Variants in LRRC4C observed in about 807,000 individuals in gnomAD.
The protein encoded by LRRC4C is leucine-rich repeat-containing protein 4C.
In LRRC4C, 5 loss-of-function variants were observed where a neutral mutation model predicts 33.6. The ratio of observed to expected loss-of-function variants is 0.15; its 90% CI spans 0.08 to 0.31. LRRC4C has a LOEUF of 0.31. LRRC4C is among the 10% of genes least tolerant of loss of function. The pLI is 1.00. For missense variants in LRRC4C, 560 were observed against 796.7 expected, an observed-to-expected ratio of 0.70 and a Z score of 3.58; for synonymous variants, 329 against 302.0, an observed-to-expected ratio of 1.09 and a Z score of -0.93.
intron 1 of LRRC4C, among the ~76,000 whole-genome samples, chr11:41,404,499 T>TAC (rs1416800534): frequency 1.5e-4 from 20 of 137,864 alleles, no homozygotes; most frequent in African/African-American, 5.6e-4. Flanking sequence ...TGTGTGTGTA[T>TAC]ACACACAGAC....
chr11:40,220,840 A>T (rs888318772), intron 5 of LRRC4C, among the ~76,000 whole-genome samples: 7 of 150,484 alleles, frequency 4.7e-5, no homozygotes, highest in African/African-American at 1.7e-4. Flanking sequence ...GCATTTTAAA[A>T]TTTTTTTTCA....
intron 1 of LRRC4C, among the ~76,000 whole-genome samples, chr11:41,432,303 A>G (rs1225316172): frequency 6.6e-6 from 1 of 152,160 alleles, no homozygotes; most frequent in Non-Finnish European, 1.5e-5. Flanking sequence ...TTGTACATTA[A>G]AATACAGGTT....
At chr11:41,043,000 G>T (rs66494913) in intron 1 of LRRC4C, among the ~76,000 whole-genome samples, 16,581 of 57,794 alleles carry the variant, frequency 0.29, 1,383 homozygotes, top group South Asian at 0.42. Context: ...CACCTGTTTT[G>T]TTTTTTTTTT....
intron 1 of LRRC4C, among the ~76,000 whole-genome samples, chr11:41,117,304 C>T (rs1942183865): frequency 1.3e-5 from 2 of 152,132 alleles, no homozygotes; most frequent in African/African-American, 4.8e-5. Context: ...TTGCCAAATC[C>T]ACTTTTAGAG....
At chr11:40,860,648 T>A (rs1409921733) in intron 2 of LRRC4C, among the ~76,000 whole-genome samples, 1 of 152,058 alleles carries the variant, frequency 6.6e-6, no homozygotes, top group Non-Finnish European at 1.5e-5. Flanking sequence ...ATTAGAACAC[T>A]AGTCATATTG....
chr11:40,500,293 TACACACACAC>T (rs375005241), intron 3 of LRRC4C, among the ~76,000 whole-genome samples: 1,646 of 96,776 alleles, frequency 0.017, 40 homozygotes, highest in African/African-American at 0.061. Flanking sequence ...TATATATATA[TACACACACAC>T]ACACACACAC....
intron 2 of LRRC4C, among the ~76,000 whole-genome samples, chr11:40,752,492 T>C (rs761353804): frequency 1.3e-4 from 19 of 151,850 alleles, no homozygotes; most frequent in Non-Finnish European, 2.4e-4. Context: ...AACAGGTATA[T>C]TAAAAAAACT....
chr11:40,308,220 G>A (rs1475441945), intron 4 of LRRC4C, among the ~76,000 whole-genome samples: 1 of 152,000 alleles, frequency 6.6e-6, no homozygotes, highest in East Asian at 1.9e-4. Context: ...ACAGTTGTTT[G>A]CTATGGCAGG....
At chr11:40,183,894 A>G (rs531241720) in intron 5 of LRRC4C, among the ~76,000 whole-genome samples, 138 of 152,340 alleles carry the variant, frequency 9.1e-4, no homozygotes, top group African/African-American at 3.1e-3. Flanking sequence ...TAGCAGTACA[A>G]GTCAAGGTCC....
intron 1 of LRRC4C, among the ~76,000 whole-genome samples, chr11:41,416,230 C>T (rs1954674886): frequency 6.6e-6 from 1 of 152,020 alleles, no homozygotes; most frequent in Non-Finnish European, 1.5e-5. Flanking sequence ...ATTCCATCCA[C>T]CCCTACTCAC....
chr11:41,160,754 G>T (rs1167012280), intron 1 of LRRC4C, among the ~76,000 whole-genome samples: 2 of 152,128 alleles, frequency 1.3e-5, no homozygotes, highest in African/African-American at 4.8e-5. Context: ...ACACTCAAAT[G>T]ACTATTGTAC....
At chr11:40,212,664 A>G (rs922057189) in intron 5 of LRRC4C, among the ~76,000 whole-genome samples, 14 of 152,170 alleles carry the variant, frequency 9.2e-5, no homozygotes, top group Non-Finnish European at 1.2e-4. Context: ...CTTTACCTAT[A>G]TTAAATTATG....
chr11:40,527,844 G>C (rs973364007), intron 3 of LRRC4C, among the ~76,000 whole-genome samples: 13 of 152,040 alleles, frequency 8.6e-5, no homozygotes, highest in African/African-American at 3.1e-4. Context: ...CACCTCCCGG[G>C]TTCAAGCAAT....
chr11:40,822,552 T>G (rs1951980166), intron 2 of LRRC4C, among the ~76,000 whole-genome samples: 1 of 151,560 alleles, frequency 6.6e-6, no homozygotes, highest in Non-Finnish European at 1.5e-5. Flanking sequence ...GTTGTTTGAG[T>G]CTCTTATATA....
intron 3 of LRRC4C, among the ~76,000 whole-genome samples, chr11:40,554,180 C>T (rs1453268840): frequency 6.6e-6 from 1 of 152,088 alleles, no homozygotes; most frequent in Non-Finnish European, 1.5e-5. Context: ...TTCCCAGCAC[C>T]ACCTCTTGAA....
At chr11:41,343,508 A>T (rs999686738) in intron 1 of LRRC4C, among the ~76,000 whole-genome samples, 1 of 152,244 alleles carries the variant, frequency 6.6e-6, no homozygotes, top group Non-Finnish European at 1.5e-5. Flanking sequence ...TTTGGATATA[A>T]TTCCAATATA....
At chr11:40,924,117 T>TGA in intron 2 of LRRC4C, among the ~76,000 whole-genome samples, 1 of 132,654 alleles carries the variant, frequency 7.5e-6, no homozygotes, top group Non-Finnish European at 1.7e-5. Context: ...TGTGTGTGTG[T>TGA]GTGTGTATAT....
chr11:40,864,750 TATG>T (rs769204538), intron 2 of LRRC4C, among the ~76,000 whole-genome samples: 1 of 152,204 alleles, frequency 6.6e-6, no homozygotes, highest in Non-Finnish European at 1.5e-5. Flanking sequence ...GCAAAGGAGA[TATG>T]ATATCTTTGT....
chr11:41,220,173 C>T (rs1947238866), intron 1 of LRRC4C, among the ~76,000 whole-genome samples: 4 of 152,044 alleles, frequency 2.6e-5, no homozygotes, highest in Non-Finnish European at 5.9e-5. Context: ...AATAATGTTT[C>T]TTGAGAGCTT....
Sources: gnomAD v4.1 joint callset for allele counts (sites outside exome capture counted in the v4.1 genomes callset) on GRCh38, gnomAD v4.1.1 for gene constraint, MANE v1.5 for transcripts, NCBI Gene and HGNC (gene_info 2026-07-23, HGNC 2026-07-21) for gene names.